ARID1B: variants seen among roughly 807,000 people sequenced by gnomAD.
ARID1B encodes the protein AT-rich interaction domain 1B.
In ARID1B, 30 loss-of-function variants were observed where a neutral mutation model predicts 212.3. The ratio of observed to expected loss-of-function variants is 0.14; its 90% confidence interval spans 0.11 to 0.19. The LOEUF (loss-of-function observed/expected upper bound fraction) is 0.19, where lower values mean the gene tolerates loss of function less well. Among genes scored for constraint, ARID1B ranks in the 10% least tolerant of loss-of-function variants. The pLI is 1.00. For synonymous variants in ARID1B, 1,402 were observed against 1,301.7 expected, an observed-to-expected ratio of 1.08 and a Z score of -1.66; for missense variants, 2,891 against 3,204.0, an observed-to-expected ratio of 0.90 and a Z score of 2.36.
chr6:157,107,088 C>A (rs562076307), intron 5 of ARID1B, among the ~76,000 whole-genome samples: 7 of 152,242 alleles, frequency 4.6e-5, no homozygotes, highest in Non-Finnish European at 1.0e-4. Flanking sequence ...TGGTACACTT[C>A]CCCAAATTCA....
chr6:156,907,279 C>T (rs1264637327), intron 3 of ARID1B, among the ~76,000 whole-genome samples: 2 of 152,114 alleles, frequency 1.3e-5, no homozygotes, highest in African/African-American at 4.8e-5. Flanking sequence ...AAGTTCCCTT[C>T]TTTTCTAGTT....
Position 157,084,679 on chromosome 6 carries a change from T to A in ARID1B, c.2265T>A (p.Ile755=), listed in dbSNP as rs750738896. ...TTTCTTAGGATCTGTCTGGCTCCATTGATGACCTCCCCACGGGAACGGAAG... is the reference window on the plus strand; with the variant it reads ...TTTCTTAGGATCTGTCTGGCTCCATAGATGACCTCCCCACGGGAACGGAAG... ...PSSLPDLSGS[I]DDLPTGTEAT... is the part of the protein sequence containing the mutation. The change falls in exon 5 of 20, where the codon ATT becomes ATA. Residue 755 remains isoleucine (I), a synonymous_variant. Transcript: ENST00000636930. The A allele has an allele frequency of 3.1e-6, 5 of 1,614,200 alleles. No homozygotes were observed. The highest frequency in any genetic ancestry group is 2.2e-5 in the South Asian group (2 of 91,088).
chr6:156,836,504 T>C (rs1783523102), intron 2 of ARID1B, among the ~76,000 whole-genome samples: 1 of 152,152 alleles, frequency 6.6e-6, no homozygotes, highest in Non-Finnish European at 1.5e-5. Flanking sequence ...CTGGGATGGT[T>C]GAGTCCTTGC....
chr6:156,895,252 C>T (rs1166556597), intron 2 of ARID1B, among the ~76,000 whole-genome samples: 1 of 152,024 alleles, frequency 6.6e-6, no homozygotes, highest in Non-Finnish European at 1.5e-5. Flanking sequence ...AATTAGTGAC[C>T]CTTAGGGAAA....
At position 157,148,603 on chromosome 6, in the gene ARID1B, T is replaced by G; in HGVS notation, c.2762-21T>G. ...ACAAGTTTAAATAAAAGGCTTTACT[T>G]TGTGTTTGCTTTTTGTTTAGGTAAC... On this transcript the variant is annotated intron_variant, in intron 7 of 19. Transcript: ENST00000636930. The surrounding 1 kb of genome is among the most constrained non-coding windows in gnomAD (Gnocchi z 5.6). 6.4e-7 allele frequency: 1 copy of G among 1,569,612 alleles called. No individual in the cohort carries two copies. Among genetic ancestry groups the G allele is most frequent in the South Asian group, 1.1e-5 (1 of 88,156 alleles).
Position 156,973,353 on chromosome 6 carries a change from A to G in ARID1B, c.2247+37777A>G, listed in dbSNP as rs561661910. Among the ~76,000 whole-genome samples, 4 of 152,294 alleles carry G rather than the reference A, an allele frequency of 2.6e-5. No homozygotes were observed. In the East Asian group the frequency reaches 7.7e-4, roughly 29 times the overall value. ...CATACGTAGTTTATAAGTTCCTATC[A>G]TGAAGCAGTAACTGTTAATAAATGA... is the stretch of plus-strand genomic sequence containing the variant. On this transcript the variant is annotated intron_variant, in intron 4 of 19. Transcript: ENST00000636930.
rs138591259 is a variant in ARID1B at position 157,057,839 on chromosome 6, A to C, written c.2248-26823A>C. Among the ~76,000 whole-genome samples, 310 of 152,272 alleles carry C rather than the reference A, an allele frequency of 2.0e-3. 3 individuals are homozygous for C. Among genetic ancestry groups the C allele is most frequent in the African/African-American group, 5.3e-3 (222 of 41,552 alleles). ...AATCAAACAAAAGTTTAGGAGGATTAATTTCAGATAGGGTTGATGATACCA... is the reference window on the plus strand; with the variant it reads ...AATCAAACAAAAGTTTAGGAGGATTCATTTCAGATAGGGTTGATGATACCA... On this transcript the variant is annotated intron_variant, in intron 4 of 19. Coordinates refer to ENST00000636930, the MANE Select transcript of ARID1B (RefSeq NM_001374828.1).
intron 2 of ARID1B, among the ~76,000 whole-genome samples, chr6:156,844,306 G>T (rs1333682495): frequency 6.6e-6 from 1 of 152,206 alleles, no homozygotes; most frequent in Non-Finnish European, 1.5e-5. Flanking sequence ...TGGAGCAAGC[G>T]CTCAGGCTTC....
chr6:156,869,230 GT>G (rs1785933951), intron 2 of ARID1B, among the ~76,000 whole-genome samples: 1 of 152,078 alleles, frequency 6.6e-6, no homozygotes, highest in East Asian at 1.9e-4. Flanking sequence ...ACTTTTAGCT[GT>G]TTTTTCTAAT....
chr6:156,814,345 G>A (rs984330873), intron 1 of ARID1B, among the ~76,000 whole-genome samples: 1 of 152,146 alleles, frequency 6.6e-6, no homozygotes, highest in South Asian at 2.1e-4. Context: ...CTTGAGCCGG[G>A]TAAGCCATGA....
intron 2 of ARID1B, among the ~76,000 whole-genome samples, chr6:156,861,189 A>G (rs1785308163): frequency 6.6e-6 from 1 of 152,056 alleles, no homozygotes; most frequent in African/African-American, 2.4e-5. Flanking sequence ...GGTGGTGGGG[A>G]GGGGGGACAG....
intron 2 of ARID1B, among the ~76,000 whole-genome samples, chr6:156,853,461 A>G (rs1311079756): frequency 6.6e-6 from 1 of 152,158 alleles, no homozygotes; most frequent in Non-Finnish European, 1.5e-5. Flanking sequence ...AACCTGGGTC[A>G]CCCTGTAGGA....
At chr6:157,160,915 A>G (rs1033452656) in intron 8 of ARID1B, among the ~76,000 whole-genome samples, 1 of 152,208 alleles carries the variant, frequency 6.6e-6, no homozygotes, top group African/African-American at 2.4e-5. Context: ...CTGTGAGCTC[A>G]CATAACACAC....
chr6:156,842,287 C>A (rs917062370), intron 2 of ARID1B, among the ~76,000 whole-genome samples: 1 of 152,192 alleles, frequency 6.6e-6, no homozygotes, highest in Non-Finnish European at 1.5e-5. Flanking sequence ...GTCCCTCTTC[C>A]CCCCAGGCAA....
chr6:157,047,119 T>G (rs1019990106), intron 4 of ARID1B, among the ~76,000 whole-genome samples: 8 of 152,246 alleles, frequency 5.3e-5, no homozygotes, highest in African/African-American at 1.7e-4. Context: ...CAATTTCATA[T>G]GGTTCAACCC....
chr6:157,100,599 G>GT (rs529239560), intron 5 of ARID1B, among the ~76,000 whole-genome samples: 5 of 152,162 alleles, frequency 3.3e-5, no homozygotes, highest in Non-Finnish European at 7.3e-5. Flanking sequence ...CTGAGACTAG[G>GT]ACATTTGTTG....
intron 4 of ARID1B, among the ~76,000 whole-genome samples, chr6:157,063,084 G>C (rs1411439166): frequency 6.6e-6 from 1 of 151,582 alleles, no homozygotes; most frequent in Non-Finnish European, 1.5e-5. Flanking sequence ...TCTTGGATTT[G>C]AAGAATGTAG....
chr6:156,958,192 A>C (rs1794106057), intron 4 of ARID1B, among the ~76,000 whole-genome samples: 1 of 152,182 alleles, frequency 6.6e-6, no homozygotes, highest in African/African-American at 2.4e-5. Flanking sequence ...TGACATCAGG[A>C]GGTTAAAGAC....
intron 2 of ARID1B, among the ~76,000 whole-genome samples, chr6:156,895,758 A>G (rs1214186974): frequency 6.6e-6 from 1 of 152,082 alleles, no homozygotes; most frequent in Non-Finnish European, 1.5e-5. Context: ...ACACACACCC[A>G]CATACACACA....
Sources: gnomAD v4.1 joint callset for allele counts (sites outside exome capture counted in the v4.1 genomes callset) on GRCh38, gnomAD v4.1.1 for gene constraint, Gnocchi (gnomAD v3.1) non-coding constraint, MANE v1.5 for transcripts, NCBI Gene and HGNC (gene_info 2026-07-23, HGNC 2026-07-21) for gene names.